Variants in DPH6 observed in about 807,000 individuals in gnomAD.
DPH6 encodes diphthine--ammonia ligase.
Under a neutral mutation model 38.2 loss-of-function variants are expected in DPH6, and 33 were observed. The observed-to-expected ratio is 0.86, with a 90% CI of 0.65 to 1.15. The LOEUF is 1.15. Ranked by LOEUF, DPH6 falls within the 50% of genes most tolerant of loss-of-function variation. DPH6 has a pLI of 0.00. For synonymous variants in DPH6, 108 were observed against 103.0 expected (o/e 1.05, Z -0.30); for missense variants, 325 against 320.0 (o/e 1.02, Z -0.12).
intron 3 of DPH6, among the ~76,000 whole-genome samples, chr15:35,349,012 T>C (rs373113391): frequency 2.6e-5 from 4 of 152,322 alleles, no homozygotes; most frequent in African/African-American, 9.6e-5. Context: ...TATCCTGAAA[T>C]TTACGAATTC....
At chr15:35,318,776 A>G (rs1320138553) in intron 3 of DPH6, among the ~76,000 whole-genome samples, 1 of 152,148 alleles carries the variant, frequency 6.6e-6, no homozygotes, top group East Asian at 1.9e-4. Flanking sequence ...TGTAAAATAA[A>G]TTTTTTATTT....
intron 3 of DPH6, among the ~76,000 whole-genome samples, chr15:35,496,561 AAAAAAAAT>A (rs1352092224): frequency 8.0e-4 from 13 of 16,182 alleles, no homozygotes; most frequent in Non-Finnish European, 1.5e-3. Context: ...ATCTCAAAAA[AAAAAAAAT>A]ATATATATAT....
At chr15:35,539,654 C>T (rs902179004) in intron 2 of DPH6, among the ~76,000 whole-genome samples, 2 of 151,830 alleles carry the variant, frequency 1.3e-5, no homozygotes, top group African/African-American at 4.8e-5. Context: ...AAAATGTTCA[C>T]AAAATGCTAT....
intron 3 of DPH6, among the ~76,000 whole-genome samples, chr15:35,285,280 C>T (rs2051933260): frequency 6.6e-6 from 1 of 152,170 alleles, no homozygotes; most frequent in South Asian, 2.1e-4. Context: ...TGGCTGTGTC[C>T]CCACCCAAAT....
At chr15:35,521,916 T>C (rs1384974854) in intron 3 of DPH6, 43 of 1,416,456 alleles carry the variant, frequency 3.0e-5, no homozygotes, top group African/African-American at 1.0e-4. Context: ...CTCCTTTAAG[T>C]TGAATACATG....
chr15:35,306,465 C>T (rs1012417020), intron 3 of DPH6, among the ~76,000 whole-genome samples: 4 of 152,142 alleles, frequency 2.6e-5, no homozygotes, highest in Non-Finnish European at 2.9e-5. Flanking sequence ...AAAGCCAAAG[C>T]AGGGCAGAGT....
At chr15:35,237,537 T>C (rs893224391) in intron 3 of DPH6, 3 of 1,550,572 alleles carry the variant, frequency 1.9e-6, no homozygotes, top group African/African-American at 1.4e-5. Flanking sequence ...AAGCTTGAAC[T>C]AAGCGATAAC....
At chr15:35,507,687 G>A (rs572676263) in intron 3 of DPH6, among the ~76,000 whole-genome samples, 3 of 151,904 alleles carry the variant, frequency 2.0e-5, no homozygotes, top group Non-Finnish European at 4.4e-5. Flanking sequence ...TTAAGAACTC[G>A]CTATCCAGTG....
chr15:35,293,596 T>A (rs755318432), intron 3 of DPH6, among the ~76,000 whole-genome samples: 15 of 152,152 alleles, frequency 9.9e-5, no homozygotes, highest in Non-Finnish European at 1.8e-4. Flanking sequence ...TTGCAAGAGG[T>A]GAGTCATTGA....
chr15:35,268,572 TA>T (rs1318855877), intron 3 of DPH6, among the ~76,000 whole-genome samples: 1 of 151,720 alleles, frequency 6.6e-6, no homozygotes, highest in Non-Finnish European at 1.5e-5. Flanking sequence ...TCTGCTGCTT[TA>T]AAAAAATTTT....
At chr15:35,204,797 C>T in the DPH6 span, among the ~76,000 whole-genome samples, 2 of 151,874 alleles carry the variant, frequency 1.3e-5, no homozygotes, top group Non-Finnish European at 2.9e-5. Flanking sequence ...ATGAAATCTT[C>T]CTAAAACAAC....
chr15:35,298,847 G>A (rs2052033376), intron 3 of DPH6: 11 of 1,042,198 alleles, frequency 1.1e-5, no homozygotes, highest in Middle Eastern at 2.8e-4. Context: ...TTGGAAGACT[G>A]TGATCGAGGT....
chr15:35,250,915 A>G (rs2051669505), intron 3 of DPH6, among the ~76,000 whole-genome samples: 1 of 152,218 alleles, frequency 6.6e-6, no homozygotes, highest in Non-Finnish European at 1.5e-5. Flanking sequence ...TATACTTCCA[A>G]TAAGTTACTT....
the DPH6 span, among the ~76,000 whole-genome samples, chr15:35,195,431 A>T: frequency 2.2e-4 from 34 of 152,186 alleles, no homozygotes; most frequent in African/African-American, 7.7e-4. Context: ...GGAAAAAGTC[A>T]AAACTTTGGG....
chr15:35,384,428 G>T (rs1026550332), intron 6 of DPH6, among the ~76,000 whole-genome samples: 1 of 152,138 alleles, frequency 6.6e-6, no homozygotes, highest in Non-Finnish European at 1.5e-5. Context: ...TTCATTAAGA[G>T]AAGTATAGAG....
the DPH6 span, among the ~76,000 whole-genome samples, chr15:35,192,830 C>A: frequency 6.6e-6 from 1 of 152,124 alleles, no homozygotes; most frequent in Admixed American, 6.5e-5. Flanking sequence ...ATTTATTGAG[C>A]CCTCACTATT....
chr15:35,152,797 C>A, the DPH6 span, among the ~76,000 whole-genome samples: 1 of 152,150 alleles, frequency 6.6e-6, no homozygotes, highest in Admixed American at 6.5e-5. Context: ...CTCAGCCCAG[C>A]CAGATTACAT....
intron 5 of DPH6, among the ~76,000 whole-genome samples, chr15:35,434,020 C>T (rs1259782018): frequency 6.6e-6 from 1 of 152,174 alleles, no homozygotes; most frequent in Non-Finnish European, 1.5e-5. Context: ...ATATATAAAT[C>T]AACTGTCAGG....
At chr15:35,188,722 G>A in the DPH6 span, among the ~76,000 whole-genome samples, 3 of 152,128 alleles carry the variant, frequency 2.0e-5, no homozygotes, top group African/African-American at 4.8e-5. Flanking sequence ...GGTGACACAT[G>A]ACTCAGATAC....
Sources: gnomAD v4.1 joint callset for allele counts (sites outside exome capture counted in the v4.1 genomes callset) on GRCh38, gnomAD v4.1.1 for gene constraint, MANE v1.5 for transcripts, NCBI Gene and HGNC (gene_info 2026-07-23, HGNC 2026-07-21) for gene names.